C7orf57: variants seen among roughly 807,000 people sequenced by gnomAD.
The protein encoded by C7orf57 is uncharacterized protein C7orf57.
C7orf57 carries 33 observed loss-of-function variants against 39.0 expected under a neutral mutation model. That is an observed-to-expected ratio of 0.85 (90% CI 0.64 to 1.13). The LOEUF is 1.13. Among genes scored for constraint, C7orf57 ranks in the 50% most tolerant of loss-of-function variants. C7orf57 has a pLI of 0.00. For missense variants in C7orf57, 346 were observed against 362.3 expected (o/e 0.95, Z 0.37); for synonymous variants, 124 against 137.1 (o/e 0.90, Z 0.67).
chr7:48,045,764 A>G (rs1790696134), intron 4 of C7orf57, among the ~76,000 whole-genome samples: 2 of 152,088 alleles, frequency 1.3e-5, no homozygotes, highest in African/African-American at 4.8e-5. Flanking sequence ...ATGTGTACAG[A>G]TGGTACCTTC....
chr7:48,054,414 A>AAG (rs1306415599), intron 7 of C7orf57, among the ~76,000 whole-genome samples, 181 bp from the exon 8 acceptor site: 3 of 74,504 alleles, frequency 4.0e-5, no homozygotes, highest in Non-Finnish European at 7.3e-5. Flanking sequence ...AACTCTCTCA[A>AAG]AAAAAAAAAA....
chr7:48,036,329 A>G lies in C7orf57; in HGVS notation c.21A>G (p.Glu7=). The G allele has an allele frequency of 6.3e-7, 1 of 1,591,100 alleles. No individual in the cohort carries two copies. Among genetic ancestry groups the G allele is most frequent in the Non-Finnish European group, 8.6e-7 (1 of 1,169,138 alleles). The change falls in exon 2 of 9, where the codon GAA becomes GAG. Residue 7 remains glutamate, a synonymous_variant. Transcript: ENST00000348904. ...TGACCATGAGGAACACAAGCAAGGAACTTCAGGGCGCCACGCACCGCTACG... is the reference window on the plus strand; with the variant it reads ...TGACCATGAGGAACACAAGCAAGGAGCTTCAGGGCGCCACGCACCGCTACG... The part of the protein sequence containing the change: MRNTSK[E]LQGATHRYAP...
intron 6 of C7orf57, among the ~76,000 whole-genome samples, chr7:48,051,845 TTC>T (rs1790938951): frequency 2.5e-5 from 2 of 81,128 alleles, no homozygotes; most frequent in East Asian, 2.6e-4. Flanking sequence ...CTTTCTTTCT[TTC>T]TTTCTTTCTT....
chr7:48,048,399 A>G (rs1173888702), intron 5 of C7orf57, among the ~76,000 whole-genome samples: 1 of 152,168 alleles, frequency 6.6e-6, no homozygotes, highest in Non-Finnish European at 1.5e-5. Context: ...GACTTAGGGC[A>G]CATGTATTGC....
intron 4 of C7orf57, among the ~76,000 whole-genome samples, chr7:48,045,016 C>CA (rs1790673418): frequency 1.3e-5 from 2 of 152,108 alleles, no homozygotes. Context: ...TTTTTTCTTC[C>CA]AGACTGTTGG....
chr7:48,050,120 C>T (rs1053184455), intron 6 of C7orf57, 143 bp downstream of exon 6: 21 of 643,726 alleles, frequency 3.3e-5, no homozygotes, highest in South Asian at 1.1e-4. Context: ...CTGTGCCTGT[C>T]GCCTCCTCAC....
intron 6 of C7orf57, among the ~76,000 whole-genome samples, chr7:48,050,440 C>T (rs934815977): frequency 4.6e-5 from 7 of 152,212 alleles, no homozygotes; most frequent in African/African-American, 1.7e-4. Context: ...TTTGCTGATC[C>T]TCCAGCTGCA....
At chr7:48,052,591 G>C in intron 6 of C7orf57, 109 bp from the exon 7 acceptor site, 1 of 857,342 alleles carries the variant, frequency 1.2e-6, no homozygotes, top group Admixed American at 2.2e-5. Flanking sequence ...AGGTTTGTTA[G>C]GTTTAAAGGG....
At position 48,049,827 on chromosome 7, in the gene C7orf57, T is replaced by C. The variant is rs1351367466; in HGVS notation, c.508-53T>C. 6 of 1,392,434 alleles carry C rather than the reference T, an allele frequency of 4.3e-6. No individual in the cohort carries two copies. The South Asian group carries it at 4.8e-5, about 11-fold the overall frequency. 86.3% of individuals were successfully genotyped at this position (1,392,434 alleles called of 1,614,324 possible). Reference sequence around the variant, plus strand: ...GCTACCATTAGTGAGTTTTCTTCTCTAGCTGTTGAATGCTTTCCACTAACT... The same window carrying C: ...GCTACCATTAGTGAGTTTTCTTCTCCAGCTGTTGAATGCTTTCCACTAACT... On this transcript the variant is annotated intron_variant, in intron 5 of 8. Transcript: ENST00000348904.
At chr7:48,051,526 T>C (rs571848537) in intron 6 of C7orf57, among the ~76,000 whole-genome samples, 23 of 151,218 alleles carry the variant, frequency 1.5e-4, no homozygotes, top group African/African-American at 5.6e-4. Context: ...TTAGTAGAGA[T>C]GGTTTTTCAC....
At chr7:48,047,827 C>T (rs574711936) in intron 5 of C7orf57, among the ~76,000 whole-genome samples, 2 of 152,174 alleles carry the variant, frequency 1.3e-5, no homozygotes, top group East Asian at 1.9e-4. Context: ...CACAGCCTCC[C>T]GAGTAGCTAG....
intron 6 of C7orf57, among the ~76,000 whole-genome samples, chr7:48,050,664 T>C (rs1352977978): frequency 1.3e-5 from 2 of 152,162 alleles, no homozygotes; most frequent in African/African-American, 2.4e-5. Context: ...TATATATATG[T>C]AAGTATATAT....
intron 2 of C7orf57, 80 bp from the exon 3 acceptor site, chr7:48,041,254 C>T: frequency 1.5e-6 from 2 of 1,323,420 alleles, no homozygotes; most frequent in Admixed American, 2.3e-5. Context: ...GTGTTGTCTG[C>T]ATAGAGATAC....
chr7:48,044,044 A>G (rs1456045001), intron 4 of C7orf57, among the ~76,000 whole-genome samples: 4 of 152,150 alleles, frequency 2.6e-5, no homozygotes, highest in Non-Finnish European at 5.9e-5. Flanking sequence ...GGGTCACGGA[A>G]GAGAACCGTG....
intron 2 of C7orf57, among the ~76,000 whole-genome samples, chr7:48,036,789 C>G (rs1252821795): frequency 6.6e-6 from 1 of 152,166 alleles, no homozygotes; most frequent in Non-Finnish European, 1.5e-5. Flanking sequence ...ACTTTAGACC[C>G]CAAGCAAGTT....
intron 6 of C7orf57, among the ~76,000 whole-genome samples, chr7:48,051,585 G>A (rs534361964): frequency 2.0e-5 from 3 of 150,942 alleles, no homozygotes; most frequent in South Asian, 2.1e-4. Context: ...TGATCTGCCC[G>A]CCTCGGCCTC....
intron 8 of C7orf57, among the ~76,000 whole-genome samples, chr7:48,056,002 C>G (rs868006244): frequency 6.6e-5 from 10 of 152,290 alleles, no homozygotes; most frequent in Middle Eastern, 6.8e-3. Flanking sequence ...ATTGCTATAT[C>G]ATACGAGAAT....
chr7:48,043,627 T>C (rs1321580075), intron 4 of C7orf57, 38 bp downstream of exon 4: 2 of 1,524,470 alleles, frequency 1.3e-6, no homozygotes, highest in Admixed American at 3.6e-5. Context: ...TGTTTATCTT[T>C]ACAGGAAAAA....
intron 8 of C7orf57, among the ~76,000 whole-genome samples, chr7:48,059,149 C>G (rs925673768): frequency 6.6e-6 from 1 of 152,214 alleles, no homozygotes; most frequent in Non-Finnish European, 1.5e-5. Flanking sequence ...GACAACCACA[C>G]TCTCTCCACT....
Sources: gnomAD v4.1 joint callset for allele counts (sites outside exome capture counted in the v4.1 genomes callset) on GRCh38, gnomAD v4.1.1 for gene constraint, MANE v1.5 for transcripts, NCBI Gene and HGNC (gene_info 2026-07-23, HGNC 2026-07-21) for gene names.